The following CDKAL1 variants were observed in gnomAD, a reference collection of about 807,000 sequenced individuals.
CDKAL1 encodes CDKAL1 threonylcarbamoyladenosine tRNA methylthiotransferase, also known as threonylcarbamoyladenosine tRNA methylthiotransferase.
A neutral mutation model predicts 68.2 loss-of-function variants in CDKAL1; 32 were observed. That is an observed-to-expected ratio of 0.47 (90% CI 0.35 to 0.63). The LOEUF is 0.63. Ranked by LOEUF, CDKAL1 falls within the 30% of genes least tolerant of loss-of-function variation. The pLI is 0.00. For synonymous variants in CDKAL1, 234 were observed against 244.3 expected, an observed-to-expected ratio of 0.96 and a Z score of 0.39; for missense variants, 606 against 696.7, an observed-to-expected ratio of 0.87 and a Z score of 1.47.
intron 13 of CDKAL1, among the ~76,000 whole-genome samples, chr6:21,127,317 C>G (rs1775064363): frequency 6.6e-6 from 1 of 152,150 alleles, no homozygotes; most frequent in African/African-American, 2.4e-5. Flanking sequence ...GTTCCATCAA[C>G]ATTTGAGTAA....
At chr6:20,543,954 T>C (rs1763486896) in intron 2 of CDKAL1, among the ~76,000 whole-genome samples, 1 of 152,012 alleles carries the variant, frequency 6.6e-6, no homozygotes, top group Non-Finnish European at 1.5e-5. Context: ...GCCAGGCTGT[T>C]CTTGAACTCC....
chr6:21,194,080 T>A (rs1326442960), intron 13 of CDKAL1, among the ~76,000 whole-genome samples: 1 of 152,186 alleles, frequency 6.6e-6, no homozygotes, highest in East Asian at 1.9e-4. Context: ...CAGGCTCTCA[T>A]GTGAACTTAC....
At chr6:20,555,177 G>A (rs567560601) in intron 4 of CDKAL1, among the ~76,000 whole-genome samples, 8 of 152,260 alleles carry the variant, frequency 5.3e-5, no homozygotes, top group African/African-American at 1.9e-4. Context: ...CAGACAAGAA[G>A]TTTATTCTTT....
chr6:20,689,169 C>T (rs1389812698), intron 5 of CDKAL1, among the ~76,000 whole-genome samples: 2 of 152,178 alleles, frequency 1.3e-5, no homozygotes, highest in East Asian at 1.9e-4. Context: ...TTACCTTTCC[C>T]CTACTGGAAG....
chr6:21,188,772 T>C (rs1562102133), intron 13 of CDKAL1, among the ~76,000 whole-genome samples: 1 of 152,132 alleles, frequency 6.6e-6, no homozygotes, highest in South Asian at 2.1e-4. Context: ...TTGTTTGGGT[T>C]TGTTGAGAGG....
chr6:20,636,052 C>T (rs1380829910), intron 4 of CDKAL1, among the ~76,000 whole-genome samples: 1 of 152,070 alleles, frequency 6.6e-6, no homozygotes, highest in Non-Finnish European at 1.5e-5. Flanking sequence ...TGTTCCTTTC[C>T]TCTGGGTATA....
chr6:21,189,771 G>A (rs1255632906), intron 13 of CDKAL1, among the ~76,000 whole-genome samples: 2 of 152,260 alleles, frequency 1.3e-5, no homozygotes, highest in East Asian at 3.9e-4. Flanking sequence ...TATTATTACT[G>A]TTGACCGTTT....
intron 15 of CDKAL1, among the ~76,000 whole-genome samples, chr6:21,230,208 C>T (rs993246132): frequency 6.6e-6 from 1 of 152,224 alleles, no homozygotes; most frequent in African/African-American, 2.4e-5. Context: ...GTTGCCCAGG[C>T]TGGAGTGCAG....
At chr6:20,942,334 GTTA>G (rs1021798645) in intron 9 of CDKAL1, among the ~76,000 whole-genome samples, 3 of 141,908 alleles carry the variant, frequency 2.1e-5, no homozygotes, top group East Asian at 4.1e-4. Flanking sequence ...CCCAAAATAT[GTTA>G]TTATTTTTGC....
At chr6:21,112,359 T>C (rs568113613) in intron 13 of CDKAL1, among the ~76,000 whole-genome samples, 1 of 152,352 alleles carries the variant, frequency 6.6e-6, no homozygotes, top group East Asian at 1.9e-4. Flanking sequence ...AAAAGTTCTA[T>C]TTACATCTAC....
In CDKAL1 at chr6:20,710,617, A is replaced by G. The variant is rs113003739; in HGVS notation, c.372-28902A>G. ...AAGTCTGTTTAAACTGATAACAATC[A>G]GTAAGTTTGAATTATTTAAATAAAA... is the stretch of plus-strand genomic sequence containing the variant. On this transcript the variant is annotated intron_variant, in intron 5 of 15. Coordinates refer to ENST00000274695, the MANE Select transcript of CDKAL1 (RefSeq NM_017774.3). Among the ~76,000 whole-genome samples, 559 of 152,338 alleles carry G rather than the reference A, an allele frequency of 3.7e-3. 1 individual carries two copies. Among genetic ancestry groups the G allele is most frequent in the Non-Finnish European group, 5.6e-3 (384 of 68,002 alleles).
At chr6:20,808,049 T>A (rs1051901717) in intron 8 of CDKAL1, among the ~76,000 whole-genome samples, 6 of 152,240 alleles carry the variant, frequency 3.9e-5, no homozygotes, top group Non-Finnish European at 8.8e-5. Context: ...ATCACGTTTG[T>A]TGATTGCTAT....
chr6:20,900,627 C>A (rs545635423), intron 9 of CDKAL1, among the ~76,000 whole-genome samples: 1 of 152,330 alleles, frequency 6.6e-6, no homozygotes, highest in East Asian at 1.9e-4. Flanking sequence ...CATCTGTTCC[C>A]CTGTCAGATA....
chr6:20,791,277 C>T (rs925832831), intron 8 of CDKAL1, among the ~76,000 whole-genome samples: 1 of 152,158 alleles, frequency 6.6e-6, no homozygotes, highest in Admixed American at 6.5e-5. Context: ...CAATGCCTGG[C>T]ACATAGTATC....
Position 20,744,930 on chromosome 6 carries a change from A to G in CDKAL1, c.468+5315A>G, listed in dbSNP as rs550385417. On this transcript the variant is annotated intron_variant, in intron 6 of 15. Transcript: ENST00000274695. ...AACTAATTATAGCTCTAGAAATTCT[A>G]AATAAACTGCAAATTAATAGACACG... is the stretch of plus-strand genomic sequence containing the variant. 4.6e-5 allele frequency among the ~76,000 whole-genome samples: 7 copies of G among 152,366 alleles called. No homozygotes were observed. In the South Asian group the frequency reaches 1.4e-3, roughly 32 times the overall value.
At chr6:20,900,053 T>C (rs1246473550) in intron 9 of CDKAL1, among the ~76,000 whole-genome samples, 1 of 152,222 alleles carries the variant, frequency 6.6e-6, no homozygotes, top group African/African-American at 2.4e-5. Flanking sequence ...GTTCTTACTA[T>C]TGTAGGGAAC....
chr6:20,782,244 G>T (rs1304926492), intron 8 of CDKAL1, among the ~76,000 whole-genome samples: 1 of 152,148 alleles, frequency 6.6e-6, no homozygotes, highest in Non-Finnish European at 1.5e-5. Flanking sequence ...AAGTCATTCG[G>T]TTTTTCCCAA....
chr6:20,898,479 C>G (rs1761805877), intron 9 of CDKAL1, among the ~76,000 whole-genome samples: 1 of 150,072 alleles, frequency 6.7e-6, no homozygotes, highest in Admixed American at 6.8e-5. Flanking sequence ...TGGCCTCCTG[C>G]TTAGGCTTTC....
intron 11 of CDKAL1, among the ~76,000 whole-genome samples, chr6:21,049,298 A>G (rs1770413981): frequency 3.9e-5 from 6 of 152,216 alleles, no homozygotes; most frequent in Admixed American, 3.9e-4. Flanking sequence ...TGAATGTTAG[A>G]AATGTTTCAT....
Sources: gnomAD v4.1 joint callset for allele counts (sites outside exome capture counted in the v4.1 genomes callset) on GRCh38, gnomAD v4.1.1 for gene constraint, MANE v1.5 for transcripts, NCBI Gene and HGNC (gene_info 2026-07-23, HGNC 2026-07-21) for gene names.